Variants in RPS6KA1 observed in about 807,000 individuals in gnomAD.
The protein encoded by RPS6KA1 is ribosomal protein S6 kinase alpha-1.
In RPS6KA1, 48 loss-of-function variants were observed where a neutral mutation model predicts 91.3. The ratio of observed to expected loss-of-function variants is 0.53; its 90% CI spans 0.42 to 0.67. The LOEUF is 0.67. Among genes scored for constraint, RPS6KA1 ranks in the 30% least tolerant of loss-of-function variants. RPS6KA1 has a pLI of 0.00. For missense variants in RPS6KA1, 719 were observed against 960.5 expected, an observed-to-expected ratio of 0.75 and a Z score of 3.32; for synonymous variants, 359 against 384.7, an observed-to-expected ratio of 0.93 and a Z score of 0.78.
intron 17 of RPS6KA1, among the ~76,000 whole-genome samples, chr1:26,570,787 C>G (rs894758676): frequency 6.6e-6 from 1 of 152,172 alleles, no homozygotes; most frequent in African/African-American, 2.4e-5. Context: ...GTGGGAAGTG[C>G]TACAGATAAA....
intron 1 of RPS6KA1, among the ~76,000 whole-genome samples, chr1:26,534,359 A>T (rs1352922521): frequency 1.3e-5 from 2 of 152,126 alleles, no homozygotes; most frequent in African/African-American, 4.8e-5. Context: ...TTCCCGAGTT[A>T]ACCTGCAGCA....
intron 1 of RPS6KA1, among the ~76,000 whole-genome samples, chr1:26,531,837 C>T (rs2075869720): frequency 6.6e-6 from 1 of 152,186 alleles, no homozygotes; most frequent in South Asian, 2.1e-4. Context: ...CTGGTCCCCC[C>T]TCCCCCACTC....
Position 26,571,680 on chromosome 1 carries a change from C to T in RPS6KA1, c.1752+70C>T, listed in dbSNP as rs2076250369. ...GAGGCCTTGTGCCCCCTCCCAGAGG[C>T]CCCACATTAGCCGGGACTCCAGTCT... On this transcript the variant is annotated intron_variant, in intron 18 of 21. Transcript: ENST00000374168. The surrounding 1 kb of genome is among the most constrained non-coding windows in gnomAD (Gnocchi z 5.1). 1.3e-6 allele frequency: 2 copies of T among 1,559,748 alleles called. No individual in the cohort carries two copies. The highest frequency in any genetic ancestry group is 2.7e-5 in the African/African-American group (2 of 73,770).
chr1:26,563,476 C>T (rs1293037964), intron 17 of RPS6KA1, among the ~76,000 whole-genome samples: 2 of 152,114 alleles, frequency 1.3e-5, no homozygotes, highest in African/African-American at 2.4e-5. Context: ...ATTTGCCCAC[C>T]TTGGCCTCCC....
chr1:26,533,497 G>A (rs1435709978), intron 1 of RPS6KA1, among the ~76,000 whole-genome samples: 6 of 152,012 alleles, frequency 3.9e-5, no homozygotes, highest in African/African-American at 1.4e-4. Flanking sequence ...CCTGAGGTCA[G>A]GAGTTTGAGA....
intron 1 of RPS6KA1, among the ~76,000 whole-genome samples, chr1:26,534,894 C>T (rs1406627905): frequency 6.6e-6 from 1 of 152,160 alleles, no homozygotes; most frequent in Non-Finnish European, 1.5e-5. Flanking sequence ...ATTCTACAGG[C>T]AGTGGAAGCC....
rs2076249911 is a variant in RPS6KA1, at chr1:26,571,645, G to A, written c.1752+35G>A. 1 of 1,607,406 alleles carries A rather than the reference G, an allele frequency of 6.2e-7. No homozygotes were observed. Among genetic ancestry groups the A allele is most frequent in the Admixed American group, 1.7e-5 (1 of 59,358 alleles). ...CCAGCCTCCTCAGCTGTAAGAGTGA[G>A]GGGGAATTGGAGGCCTTGTGCCCCC... is the stretch of plus-strand genomic sequence containing the variant. On this transcript the variant is annotated intron_variant, in intron 18 of 21. Transcript: ENST00000374168. This position sits in a 1 kb window ranked among gnomAD's most constrained non-coding sequence, Gnocchi z 5.1.
intron 2 of RPS6KA1, chr1:26,543,269 G>C: frequency 7.1e-7 from 1 of 1,406,776 alleles, no homozygotes; most frequent in East Asian, 2.5e-5. Context: ...CACCATGACT[G>C]GGCAAGGAAT....
chr1:26,551,506 T>C lies in RPS6KA1; in HGVS notation c.388+29T>C, dbSNP rs202083116. On this transcript the variant is annotated intron_variant, in intron 5 of 21. Coordinates refer to ENST00000374168, the MANE Select transcript of RPS6KA1 (RefSeq NM_002953.4). This position sits in a 1 kb window ranked among gnomAD's most constrained non-coding sequence, Gnocchi z 4.5. ...AAGCTTCTGGCCCTGCCTGAGCTCC[T>C]ACCCCACCCATCCTTCGCCCTTGCC... is the stretch of plus-strand genomic sequence containing the variant. 8.1e-6 allele frequency: 13 copies of C among 1,608,696 alleles called. No homozygotes were observed. The highest frequency in any genetic ancestry group is 1.3e-5 in the African/African-American group (1 of 74,942).
chr1:26,552,707 G>A lies in RPS6KA1; in HGVS notation c.469-684G>A, dbSNP rs944064816. 49 of 215,288 alleles carry A rather than the reference G, an allele frequency of 2.3e-4. No homozygotes were observed. In the Admixed American group the frequency reaches 2.6e-3, roughly 11 times the overall value. The allele number at this position is 215,288 out of a possible 1,614,324, so 13.3% of individuals were successfully genotyped here. On this transcript the variant is annotated intron_variant, in intron 6 of 21. Coordinates refer to ENST00000374168, the MANE Select transcript of RPS6KA1 (RefSeq NM_002953.4). ...TCTCCATGTTGGCCAGGCTGGTCTC[G>A]AACTCCTGACCTCGGGTGATCCGCC... is the stretch of plus-strand genomic sequence containing the variant.
At chr1:26,560,291 A>G (rs557869926) in intron 14 of RPS6KA1, among the ~76,000 whole-genome samples, 30 of 152,354 alleles carry the variant, frequency 2.0e-4, no homozygotes, top group African/African-American at 3.8e-4. Flanking sequence ...CTAATGTCCC[A>G]GAACCTTGAG....
chr1:26,557,470 T>C (rs2124646479), intron 13 of RPS6KA1, among the ~76,000 whole-genome samples: 1 of 152,238 alleles, frequency 6.6e-6, no homozygotes, highest in South Asian at 2.1e-4. Flanking sequence ...AGCCACACTG[T>C]GTGGTGGCTG....
At chr1:26,550,113 A>G (rs975458419) in intron 4 of RPS6KA1, among the ~76,000 whole-genome samples, 18 of 151,362 alleles carry the variant, frequency 1.2e-4, no homozygotes, top group African/African-American at 3.2e-4. Flanking sequence ...TCCTGACTTC[A>G]GGTGATCCGC....
intron 2 of RPS6KA1, among the ~76,000 whole-genome samples, chr1:26,543,467 C>T (rs775007987): frequency 6.6e-6 from 1 of 152,180 alleles, no homozygotes; most frequent in African/African-American, 2.4e-5. Context: ...CTGCCTGTCC[C>T]GCCAGGAGGT....
At chr1:26,562,006 C>T (rs569703912) in intron 17 of RPS6KA1, among the ~76,000 whole-genome samples, 1 of 152,190 alleles carries the variant, frequency 6.6e-6, no homozygotes, top group East Asian at 1.9e-4. Context: ...AGTTTGACAC[C>T]AGCCTGGCCA....
intron 17 of RPS6KA1, among the ~76,000 whole-genome samples, chr1:26,568,500 G>A (rs1025054855): frequency 3.3e-5 from 5 of 152,186 alleles, no homozygotes; most frequent in African/African-American, 1.2e-4. Flanking sequence ...TGTAATCCCA[G>A]CACTTTGGGA....
Position 26,574,541 on chromosome 1 carries a change from G to A in RPS6KA1, c.*340G>A, listed in dbSNP as rs1011531524. 19 of 470,716 alleles carry A rather than the reference G, an allele frequency of 4.0e-5. No homozygotes were observed. In the East Asian group the frequency reaches 5.0e-4, roughly 12 times the overall value. The allele number at this position is 470,716 out of a possible 1,614,324, so 29.2% of individuals were successfully genotyped here. A position where few individuals can be genotyped will look rare whatever the true frequency, so the allele number is the denominator to read the frequency against. ...GGCCCCAGGAGGGGAACTGAGTCAC[G>A]CTGGGGCTCTCTGAGACTCTTTAGA... On this transcript the variant is annotated 3_prime_UTR_variant, in exon 22 of 22. Coordinates refer to ENST00000374168, the MANE Select transcript of RPS6KA1 (RefSeq NM_002953.4). The surrounding 1 kb of genome is among the most constrained non-coding windows in gnomAD (Gnocchi z 4.3).
At chr1:26,542,479 G>T (rs550297791) in intron 2 of RPS6KA1, among the ~76,000 whole-genome samples, 1 of 152,324 alleles carries the variant, frequency 6.6e-6, no homozygotes, top group East Asian at 1.9e-4. Context: ...GTCAGTGCCT[G>T]TGCTGTGCTG....
chr1:26,536,220 G>T (rs2075905483), intron 1 of RPS6KA1, among the ~76,000 whole-genome samples: 1 of 150,370 alleles, frequency 6.7e-6, no homozygotes, highest in South Asian at 2.1e-4. Flanking sequence ...TGCCTGCCAT[G>T]TGGCAGAGGC....
Sources: gnomAD v4.1 joint callset for allele counts (sites outside exome capture counted in the v4.1 genomes callset) on GRCh38, gnomAD v4.1.1 for gene constraint, Gnocchi (gnomAD v3.1) non-coding constraint, MANE v1.5 for transcripts, NCBI Gene and HGNC (gene_info 2026-07-23, HGNC 2026-07-21) for gene names.